Variants in PIBF1 observed in about 807,000 individuals in gnomAD.
The protein encoded by PIBF1 is progesterone-induced-blocking factor 1.
Under a neutral mutation model 112.5 loss-of-function variants are expected in PIBF1, and 90 were observed. The observed-to-expected ratio is 0.80, with a 90% CI of 0.67 to 0.95. The LOEUF is 0.95. Among genes scored for constraint, PIBF1 ranks in the 40% least tolerant of loss-of-function variants. The pLI is 0.00. For missense variants in PIBF1, 915 were observed against 852.3 expected, an observed-to-expected ratio of 1.07 and a Z score of -0.92; for synonymous variants, 301 against 288.6, an observed-to-expected ratio of 1.04 and a Z score of -0.44.
intron 2 of PIBF1, among the ~76,000 whole-genome samples, chr13:72,788,037 A>G (rs2034695804): frequency 6.6e-6 from 1 of 152,204 alleles, no homozygotes; most frequent in Non-Finnish European, 1.5e-5. Flanking sequence ...TCATTCTCCA[A>G]AGCTTATTGA....
chr13:72,815,372 T>G (rs910292640), intron 5 of PIBF1, among the ~76,000 whole-genome samples: 2 of 152,236 alleles, frequency 1.3e-5, no homozygotes, highest in Admixed American at 6.5e-5. Context: ...TTTTATCGCT[T>G]TCTTCATATG....
At chr13:72,968,292 GTTC>G (rs1394072619) in intron 15 of PIBF1, among the ~76,000 whole-genome samples, 1 of 151,558 alleles carries the variant, frequency 6.6e-6, no homozygotes, top group Non-Finnish European at 1.5e-5. Flanking sequence ...TGTTGTTGTT[GTTC>G]TTTTTTTTCT....
At chr13:72,944,251 A>G (rs2042088411) in intron 14 of PIBF1, among the ~76,000 whole-genome samples, 1 of 152,098 alleles carries the variant, frequency 6.6e-6, no homozygotes, top group Non-Finnish European at 1.5e-5. Flanking sequence ...GTTGAAGACC[A>G]GCCTGGCCAA....
chr13:72,897,117 C>T (rs763063481), intron 11 of PIBF1, among the ~76,000 whole-genome samples: 26 of 152,302 alleles, frequency 1.7e-4, no homozygotes, highest in African/African-American at 6.0e-4. Flanking sequence ...AGAAAGCCTA[C>T]AAGCTAGAAA....
At chr13:72,845,563 T>G (rs1185615259) in intron 9 of PIBF1, among the ~76,000 whole-genome samples, 1 of 152,232 alleles carries the variant, frequency 6.6e-6, no homozygotes, top group Non-Finnish European at 1.5e-5. Flanking sequence ...ATGTTATTTC[T>G]TCTTGTAGAT....
At chr13:72,811,776 A>C (rs2036031754) in intron 5 of PIBF1, among the ~76,000 whole-genome samples, 1 of 152,080 alleles carries the variant, frequency 6.6e-6, no homozygotes, top group Admixed American at 6.6e-5. Flanking sequence ...ACCTCTAAAA[A>C]ATTGCTCCTT....
intron 1 of PIBF1, among the ~76,000 whole-genome samples, chr13:72,782,908 T>TGTGTGTGTG (rs1566260541): frequency 1.5e-5 from 2 of 133,228 alleles, no homozygotes; most frequent in African/African-American, 3.0e-5. Flanking sequence ...GTGTGTGTGT[T>TGTGTGTGTG]TGTGTTTGTG....
chr13:72,791,296 C>G (rs2034916156), intron 2 of PIBF1, among the ~76,000 whole-genome samples: 1 of 152,098 alleles, frequency 6.6e-6, no homozygotes, highest in Non-Finnish European at 1.5e-5. Context: ...CCTTGTGATA[C>G]ACCCGCCTCA....
intron 14 of PIBF1, among the ~76,000 whole-genome samples, chr13:72,931,717 C>CATATATATATATATATATATATATATAT (rs1414425546): frequency 4.1e-5 from 1 of 24,412 alleles, no homozygotes; most frequent in Admixed American, 6.0e-4. Context: ...ATTTAAACTA[C>CATATATATATATATATATATATATATAT]GTATATATAT....
chr13:72,879,931 C>T (rs1219174895), intron 10 of PIBF1, among the ~76,000 whole-genome samples: 2 of 152,176 alleles, frequency 1.3e-5, no homozygotes, highest in African/African-American at 4.8e-5. Context: ...ATGCTACAAC[C>T]GCACATTTGA....
At chr13:72,848,575 G>A (rs2138286106) in intron 9 of PIBF1, among the ~76,000 whole-genome samples, 1 of 152,264 alleles carries the variant, frequency 6.6e-6, no homozygotes, top group African/African-American at 2.4e-5. Flanking sequence ...GCCGGGCGCG[G>A]TGGCTCACGC....
At chr13:72,819,902 C>T (rs1164673721) in intron 5 of PIBF1, among the ~76,000 whole-genome samples, 1 of 151,962 alleles carries the variant, frequency 6.6e-6, no homozygotes, top group Non-Finnish European at 1.5e-5. Flanking sequence ...CCTGGTTTAC[C>T]CATTGTTTCT....
intron 11 of PIBF1, 124 bp downstream of exon 11, chr13:72,894,073 A>C (rs916783445): frequency 1.1e-5 from 5 of 465,880 alleles, no homozygotes; most frequent in South Asian, 7.7e-5. Flanking sequence ...AAAAAAAAAA[A>C]AAAAAACAAG....
intron 8 of PIBF1, among the ~76,000 whole-genome samples, chr13:72,831,954 G>A (rs549000865): frequency 2.0e-5 from 3 of 152,000 alleles, no homozygotes. Flanking sequence ...ATATATTTAG[G>A]ATAGTTAGCT....
chr13:72,782,885 T>C (rs2034360523), intron 1 of PIBF1, among the ~76,000 whole-genome samples: 1 of 140,634 alleles, frequency 7.1e-6, no homozygotes, highest in Non-Finnish European at 1.6e-5. Context: ...CGTGTGTGTG[T>C]GTGTGTGTGT....
At chr13:72,923,037 A>C (rs975721962) in intron 13 of PIBF1, among the ~76,000 whole-genome samples, 1 of 152,190 alleles carries the variant, frequency 6.6e-6, no homozygotes, top group African/African-American at 2.4e-5. Flanking sequence ...CTTTGATGCC[A>C]TGCTAGTAGA....
intron 17 of PIBF1, among the ~76,000 whole-genome samples, chr13:73,004,319 C>A (rs2043962972): frequency 6.6e-6 from 1 of 151,878 alleles, no homozygotes; most frequent in African/African-American, 2.4e-5. Context: ...GGTGAAACCT[C>A]ATCTCTACTA....
intron 13 of PIBF1, among the ~76,000 whole-genome samples, chr13:72,919,451 T>C (rs1019064872): frequency 6.6e-6 from 1 of 152,190 alleles, no homozygotes; most frequent in Non-Finnish European, 1.5e-5. Flanking sequence ...CCATTCCCAT[T>C]TCCTCTAAAA....
At chr13:72,941,309 T>G (rs946530698) in intron 14 of PIBF1, among the ~76,000 whole-genome samples, 1 of 152,160 alleles carries the variant, frequency 6.6e-6, no homozygotes, top group African/African-American at 2.4e-5. Context: ...TAGTTAAGAG[T>G]CAAGTGTCAG....
Sources: allele counts gnomAD v4.1 joint callset (sites outside exome capture counted in the v4.1 genomes callset), GRCh38; gene constraint gnomAD v4.1.1; transcripts MANE v1.5; gene names NCBI Gene and HGNC (gene_info 2026-07-23, HGNC 2026-07-21).